UBTD2: variants seen among roughly 807,000 people sequenced by gnomAD.
UBTD2 encodes ubiquitin domain containing 2, also known as ubiquitin domain-containing protein 2.
A neutral mutation model predicts 19.8 loss-of-function variants in UBTD2; 9 were observed. That is an observed-to-expected ratio of 0.46 (90% confidence interval 0.27 to 0.79). The LOEUF (loss-of-function observed/expected upper bound fraction) is 0.79, where lower values mean the gene tolerates loss of function less well. Among genes scored for constraint, UBTD2 ranks in the 30% least tolerant of loss-of-function variants. The pLI, the probability that UBTD2 is intolerant of heterozygous loss-of-function variation, is 0.14. For synonymous variants in UBTD2, 98 were observed against 103.9 expected (o/e 0.94, Z 0.35); for missense variants, 250 against 300.4 (o/e 0.83, Z 1.24).
At chr5:172,273,074 C>T (rs1485679414) in intron 1 of UBTD2, among the ~76,000 whole-genome samples, 1 of 144,008 alleles carries the variant, frequency 6.9e-6, no homozygotes, top group Non-Finnish European at 1.5e-5. Flanking sequence ...AAGCCTCCGT[C>T]TCTCCGTCTC....
rs557797573 is a variant in UBTD2 at position 172,283,195 on chromosome 5, C to A, written c.70+401G>T. On this transcript the variant is annotated intron_variant, in intron 1 of 2. Coordinates refer to ENST00000393792, the MANE Select transcript of UBTD2 (RefSeq NM_152277.3). This position sits in a 1 kb window ranked among gnomAD's most constrained non-coding sequence, Gnocchi z 4.3. ...AAGGGTGCGGAAAGATGTGGCGGGGCCCGTCGGAGGGAACGCATCAAGCTC... is the reference window on the plus strand; with the variant it reads ...AAGGGTGCGGAAAGATGTGGCGGGGACCGTCGGAGGGAACGCATCAAGCTC... Among the ~76,000 whole-genome samples the A allele has an allele frequency of 4.0e-3, 611 of 152,158 alleles. 5 individuals are homozygous for A. Among genetic ancestry groups the A allele is most frequent in the African/African-American group, 0.014 (576 of 41,534 alleles).
chr5:172,269,050 G>C (rs1305848388), intron 1 of UBTD2, among the ~76,000 whole-genome samples: 1 of 151,622 alleles, frequency 6.6e-6, no homozygotes. Flanking sequence ...AAACAGTTAA[G>C]TGCAAAAAAA....
rs184194434 is a variant in UBTD2, at chr5:172,245,867, G to A, written c.71-11509C>T. ...AACAAAAGGAGAGGCAGAACATGCC[G>A]GCTGAACCTAGCAGGATTGATTGCC... On this transcript the variant is annotated intron_variant, in intron 1 of 2. Coordinates refer to ENST00000393792, the MANE Select transcript of UBTD2 (RefSeq NM_152277.3). Among the ~76,000 whole-genome samples the A allele has an allele frequency of 6.6e-5, 10 of 152,326 alleles. No individual in the cohort carries two copies. The East Asian group carries it at 7.7e-4, about 12-fold the overall frequency.
Position 172,234,376 on chromosome 5 carries a change from A to C in UBTD2, c.71-18T>G. On this transcript the variant is annotated intron_variant, in intron 1 of 2. Transcript: ENST00000393792. The stretch of plus-strand genomic sequence containing the variant: ...TAGAGCAACTGAAAAGAAAAATAAA[A>C]GACTGAGATCAAACCCAAAATTTAT... 1.2e-6 allele frequency: 2 copies of C among 1,608,582 alleles called. No homozygotes were observed. The highest frequency in any genetic ancestry group is 1.7e-6 in the Non-Finnish European group (2 of 1,175,770).
intron 2 of UBTD2, among the ~76,000 whole-genome samples, chr5:172,215,296 T>C (rs1031712848): frequency 2.0e-5 from 3 of 152,180 alleles, no homozygotes; most frequent in Non-Finnish European, 4.4e-5. Flanking sequence ...TGCCAGAGAA[T>C]TCTGCCCTCA....
chr5:172,266,384 A>T (rs1755376294), intron 1 of UBTD2, among the ~76,000 whole-genome samples: 1 of 152,178 alleles, frequency 6.6e-6, no homozygotes, highest in African/African-American at 2.4e-5. Flanking sequence ...CAACAGTCAG[A>T]TTTTTAAAAA....
At chr5:172,257,723 A>G (rs1170180145) in intron 1 of UBTD2, among the ~76,000 whole-genome samples, 1 of 152,212 alleles carries the variant, frequency 6.6e-6, no homozygotes, top group Non-Finnish European at 1.5e-5. Context: ...TTAAAACACA[A>G]GAAAACCAAA....
chr5:172,223,586 CAAAAAAAAAAAAA>C (rs577474758), intron 2 of UBTD2, among the ~76,000 whole-genome samples: 21 of 33,130 alleles, frequency 6.3e-4, no homozygotes, highest in Middle Eastern at 0.029. Context: ...GCGACGGAGT[CAAAAAAAAAAAAA>C]AAAAAAAAAA....
chr5:172,235,818 T>C (rs1231701936), intron 1 of UBTD2, among the ~76,000 whole-genome samples: 1 of 152,046 alleles, frequency 6.6e-6, no homozygotes, highest in African/African-American at 2.4e-5. Flanking sequence ...GGATAGAAGA[T>C]AGAAAGAAAA....
At chr5:172,223,586 C>CAAAAAAAAAAAAAAA (rs577474758) in intron 2 of UBTD2, among the ~76,000 whole-genome samples, 3 of 33,128 alleles carry the variant, frequency 9.1e-5, no homozygotes, top group African/African-American at 3.9e-4. Flanking sequence ...GCGACGGAGT[C>CAAAAAAAAAAAAAAA]AAAAAAAAAA....
chr5:172,276,736 AG>A (rs1755611416), intron 1 of UBTD2, among the ~76,000 whole-genome samples: 2 of 151,632 alleles, frequency 1.3e-5, no homozygotes, highest in Admixed American at 1.3e-4. Context: ...AGAAAGGGAA[AG>A]GGGGAGAGAA....
chr5:172,238,884 C>T (rs78582634), intron 1 of UBTD2, among the ~76,000 whole-genome samples: 11,636 of 152,148 alleles, frequency 0.076, 564 homozygotes, highest in Non-Finnish European at 0.1. Flanking sequence ...CAGCTTTAAC[C>T]GGTTGAAAAC....
intron 2 of UBTD2, among the ~76,000 whole-genome samples, chr5:172,216,326 GAGAA>G (rs913482688): frequency 1.3e-5 from 2 of 151,698 alleles, no homozygotes; most frequent in African/African-American, 4.8e-5. Flanking sequence ...AGAAGAACAA[GAGAA>G]AGAAACAGGA....
intron 1 of UBTD2, among the ~76,000 whole-genome samples, chr5:172,253,480 A>G: frequency 2.1e-5 from 3 of 144,452 alleles, no homozygotes; most frequent in East Asian, 2.0e-4. Flanking sequence ...TTTGAGATGG[A>G]GTCTCACTCT....
At chr5:172,245,456 A>G (rs1048495777) in intron 1 of UBTD2, among the ~76,000 whole-genome samples, 3 of 152,094 alleles carry the variant, frequency 2.0e-5, no homozygotes, top group Non-Finnish European at 4.4e-5. Context: ...GCTCTCTGAG[A>G]AATGAATTCT....
intron 1 of UBTD2, among the ~76,000 whole-genome samples, chr5:172,279,552 G>A (rs1282395879): frequency 3.3e-5 from 5 of 152,112 alleles, no homozygotes; most frequent in African/African-American, 4.8e-5. Context: ...TGACCACCAC[G>A]GTCAGTTCTC....
intron 1 of UBTD2, among the ~76,000 whole-genome samples, chr5:172,237,098 T>G (rs1212607044): frequency 1.3e-5 from 2 of 152,148 alleles, no homozygotes; most frequent in Non-Finnish European, 2.9e-5. Context: ...ATTTTTAAAT[T>G]TTATTCATAT....
intron 1 of UBTD2, among the ~76,000 whole-genome samples, chr5:172,277,324 C>T (rs1394782535): frequency 6.6e-6 from 1 of 152,058 alleles, no homozygotes; most frequent in Non-Finnish European, 1.5e-5. Context: ...ATTCTGTATA[C>T]ATCAGTGAAA....
chr5:172,224,969 T>C (rs2113882483), intron 2 of UBTD2, among the ~76,000 whole-genome samples: 2 of 152,360 alleles, frequency 1.3e-5, no homozygotes, highest in South Asian at 4.1e-4. Context: ...CAAAACGTTT[T>C]AATTACCACC....
Sources: allele counts gnomAD v4.1 joint callset (sites outside exome capture counted in the v4.1 genomes callset), GRCh38; gene constraint gnomAD v4.1.1; non-coding constraint Gnocchi (gnomAD v3.1); transcripts MANE v1.5; gene names NCBI Gene and HGNC (gene_info 2026-07-23, HGNC 2026-07-21).